MSR1: variants seen among roughly 807,000 people sequenced by gnomAD.
The protein encoded by MSR1 is macrophage scavenger receptor types I and II.
In MSR1, 53 loss-of-function variants were observed where a neutral mutation model predicts 47.2. The ratio of observed to expected loss-of-function variants is 1.12; its 90% CI spans 0.90 to 1.41. MSR1 has a LOEUF of 1.41. MSR1 is among the 40% of genes most tolerant of loss of function. MSR1 has a pLI of 0.00. For missense variants in MSR1, 786 were observed against 546.9 expected (o/e 1.44, Z -4.36); for synonymous variants, 239 against 185.6 (o/e 1.29, Z -2.34).
intron 8 of MSR1, among the ~76,000 whole-genome samples, chr8:16,128,328 T>A (rs1268800737): frequency 1.3e-5 from 2 of 151,964 alleles, no homozygotes; most frequent in East Asian, 1.9e-4. Context: ...ATGGAGGTAA[T>A]TCAGGTTCAA....
intron 1 of MSR1, among the ~76,000 whole-genome samples, chr8:16,184,407 G>A (rs1325414074): frequency 1.3e-5 from 2 of 151,920 alleles, no homozygotes; most frequent in Non-Finnish European, 2.9e-5. Context: ...GACAAAAGGA[G>A]AAAAAAATGG....
intron 9 of MSR1, among the ~76,000 whole-genome samples, chr8:16,113,230 G>A (rs575869403): frequency 2.0e-5 from 3 of 151,962 alleles, no homozygotes; most frequent in African/African-American, 7.3e-5. Context: ...TTACAGGGGT[G>A]AGCCACTGTG....
At chr8:16,186,532 A>AAT (rs1802005054) in intron 1 of MSR1, among the ~76,000 whole-genome samples, 1 of 151,016 alleles carries the variant, frequency 6.6e-6, no homozygotes, top group African/African-American at 2.4e-5. Context: ...CTCTCATCCA[A>AAT]CCCTGTTGCT....
At chr8:16,187,466 G>C (rs752272285) in intron 1 of MSR1, among the ~76,000 whole-genome samples, 1 of 150,442 alleles carries the variant, frequency 6.6e-6, no homozygotes, top group East Asian at 2.0e-4. Flanking sequence ...ACCCCTTGGG[G>C]CTTTGTCTTC....
intron 4 of MSR1, among the ~76,000 whole-genome samples, chr8:16,164,956 T>C (rs1389990986): frequency 1.3e-5 from 2 of 152,100 alleles, no homozygotes; most frequent in African/African-American, 4.8e-5. Flanking sequence ...AGGATATTTA[T>C]CTATTAAAAT....
Position 16,164,117 on chromosome 8 carries a change from T to C in MSR1, c.765A>G (p.Arg255=). ...TCTGAGAATGTTCCCAATCTTTCAG[T>C]CTGAGATCATTAGTGATGTTATTCA... ...KVLNNITNDL[R]LKDWEHSQTL... The change falls in exon 5 of 10, where the codon AGA becomes AGG. Residue 255 remains arginine, a synonymous_variant. Transcript: ENST00000262101. The C allele has an allele frequency of 6.2e-7, 1 of 1,611,818 alleles. No homozygotes were observed. Among genetic ancestry groups the C allele is most frequent in the African/African-American group, 1.3e-5 (1 of 74,988 alleles).
intron 8 of MSR1, among the ~76,000 whole-genome samples, chr8:16,126,131 T>C (rs1800122724): frequency 6.6e-6 from 1 of 152,178 alleles, no homozygotes. Flanking sequence ...ACCTGAACCC[T>C]GCACAAATTA....
chr8:16,145,507 A>T (rs1800673101), intron 7 of MSR1, among the ~76,000 whole-genome samples: 2 of 152,148 alleles, frequency 1.3e-5, no homozygotes, highest in Non-Finnish European at 2.9e-5. Context: ...TGTTCTTAGA[A>T]GTCTTTTCAC....
At chr8:16,143,500 T>C (rs1800616518) in intron 8 of MSR1, 58 bp downstream of exon 8, 2 of 1,468,488 alleles carry the variant, frequency 1.4e-6, no homozygotes, top group Non-Finnish European at 1.9e-6. Context: ...AGATCTCTAG[T>C]ATCACAGACT....
intron 8 of MSR1, among the ~76,000 whole-genome samples, chr8:16,133,296 T>A (rs1333685419): frequency 6.6e-6 from 1 of 152,162 alleles, no homozygotes; most frequent in Non-Finnish European, 1.5e-5. Flanking sequence ...AATCTTCTCA[T>A]TATTGAAAGA....
intron 1 of MSR1, among the ~76,000 whole-genome samples, chr8:16,188,440 G>C (rs381111): frequency 2.6e-5 from 4 of 151,742 alleles, no homozygotes; most frequent in African/African-American, 9.7e-5. Flanking sequence ...GGTATTACGC[G>C]TTTTCCTTAA....
chr8:16,173,139 C>A (rs73665250), intron 3 of MSR1, among the ~76,000 whole-genome samples: 1,983 of 152,214 alleles, frequency 0.013, 38 homozygotes, highest in African/African-American at 0.045. Context: ...CAATTTTAGT[C>A]GGTACCTACT....
intron 8 of MSR1, among the ~76,000 whole-genome samples, chr8:16,131,699 T>C (rs952602853): frequency 1.3e-5 from 2 of 152,056 alleles, no homozygotes; most frequent in Non-Finnish European, 2.9e-5. Context: ...CTTCTGCATA[T>C]GGCTAATCAG....
intron 3 of MSR1, among the ~76,000 whole-genome samples, chr8:16,174,281 T>C (rs1801575876): frequency 1.3e-5 from 2 of 152,174 alleles, no homozygotes; most frequent in African/African-American, 4.8e-5. Flanking sequence ...CTGCTTAGTA[T>C]GCACATAAAA....
rs757915087 is a variant in MSR1, at chr8:16,110,037, A to C, written c.*48T>G. The C allele has an allele frequency of 6.2e-7, 1 of 1,609,668 alleles. No individual in the cohort carries two copies. Among genetic ancestry groups the C allele is most frequent in the South Asian group, 1.1e-5 (1 of 90,988 alleles). ...GATTTTACAGGAACAAGGTAATAAA[A>C]TCATTTTTGAGCAGCGATTTCATAG... On this transcript the variant is annotated 3_prime_UTR_variant, in exon 10 of 10. Coordinates refer to ENST00000262101, the MANE Select transcript of MSR1 (RefSeq NM_138715.3).
intron 1 of MSR1, among the ~76,000 whole-genome samples, chr8:16,189,667 ATATATAAAATCT>A (rs1802132715): frequency 9.8e-6 from 1 of 102,120 alleles, no homozygotes; most frequent in East Asian, 3.1e-4. Context: ...TATTTTATAT[ATATATAAAATCT>A]TATTTTATAT....
At chr8:16,186,523 T>C (rs1008417612) in intron 1 of MSR1, among the ~76,000 whole-genome samples, 6 of 152,052 alleles carry the variant, frequency 3.9e-5, no homozygotes, top group South Asian at 2.1e-4. Flanking sequence ...ACATCCAATC[T>C]CTCATCCAAC....
rs1211895615 is a variant in MSR1, at chr8:16,189,662, T to G, written c.-5+2936A>C. ...ATAAAATCTTATTTTATATATATTT[T>G]ATATATATATAAAATCTTATTTTAT... On this transcript the variant is annotated intron_variant, in intron 1 of 9. Transcript: ENST00000262101. Among the ~76,000 whole-genome samples the G allele has an allele frequency of 7.2e-4, 17 of 23,582 alleles. 2 individuals carry two copies. The highest frequency in any genetic ancestry group is 1.2e-3 in the South Asian group (1 of 862). 15.5% of individuals were successfully genotyped at this position (23,582 alleles called of 152,430 possible). A position where few individuals can be genotyped will look rare whatever the true frequency, so the allele number is the denominator to read the frequency against.
intron 8 of MSR1, chr8:16,141,085 A>T (rs767964724): frequency 6.2e-7 from 1 of 1,607,438 alleles, no homozygotes; most frequent in Non-Finnish European, 8.5e-7. Flanking sequence ...TATTTTTAAC[A>T]TATTTTCAGA....
Sources: allele counts gnomAD v4.1 joint callset (sites outside exome capture counted in the v4.1 genomes callset), GRCh38; gene constraint gnomAD v4.1.1; transcripts MANE v1.5; gene names NCBI Gene and HGNC (gene_info 2026-07-23, HGNC 2026-07-21).